Variants in NTRK1 observed in about 807,000 individuals in gnomAD.
The protein encoded by NTRK1 is high affinity nerve growth factor receptor.
A neutral mutation model predicts 86.8 loss-of-function variants in NTRK1; 62 were observed. That is an observed-to-expected ratio of 0.71 (90% CI 0.58 to 0.88). The LOEUF (loss-of-function observed/expected upper bound fraction) is 0.88. Among genes scored for constraint, NTRK1 ranks in the 40% least tolerant of loss-of-function variants. NTRK1 has a pLI of 0.00. For missense variants in NTRK1, 967 were observed against 1,078.4 expected (o/e 0.90, Z 1.45); for synonymous variants, 469 against 456.6 (o/e 1.03, Z -0.35).
intron 9 of NTRK1, 68 bp downstream of exon 9, chr1:156,874,468 A>T (rs368591258): frequency 2.7e-5 from 43 of 1,613,284 alleles, no homozygotes; most frequent in Non-Finnish European, 3.6e-5. Flanking sequence ...CAGAGGGTAC[A>T]GCTGAACTGA....
intron 2 of NTRK1, chr1:156,848,772 C>T (rs1655095882): frequency 1.1e-6 from 1 of 895,588 alleles, no homozygotes; most frequent in African/African-American, 1.7e-5. Flanking sequence ...GAGAGCCAGA[C>T]CTGGGCCCTA....
chr1:156,833,604 A>G (rs1250139009), intron 1 of NTRK1, among the ~76,000 whole-genome samples: 1 of 152,064 alleles, frequency 6.6e-6, no homozygotes, highest in Non-Finnish European at 1.5e-5. Context: ...GACATGTGGT[A>G]GGTGCTCAAT....
upstream of NTRK1, chr1:156,860,846 G>A (rs921397511): frequency 2.9e-6 from 4 of 1,371,066 alleles, no homozygotes; most frequent in Non-Finnish European, 9.3e-7. Flanking sequence ...CTTTAACACC[G>A]CCCAGCGCAC....
At chr1:156,867,958 C>T (rs1052952307) in intron 4 of NTRK1, 146 bp from the exon 5 acceptor site, 47 of 890,442 alleles carry the variant, frequency 5.3e-5, no homozygotes, top group Admixed American at 7.7e-5. Context: ...TGAATAACAT[C>T]CTGTTACTGG....
rs1402027172 is a variant in NTRK1 at position 156,860,995 on chromosome 1, A to T, written c.61A>T (p.Ser21Cys). ...GCACAGCTGGGCTGCGGGGCCGGGC[A>T]GCCTGCTGGCTTGGCTGATACTGGC... ...GWHSWAAGPG[S>C]LLAWLILASA... The change falls in exon 1 of 17, where the codon AGC (serine) becomes TGC (cysteine). Residue 21 changes from serine to cysteine, a missense_variant. By Grantham distance (112) the Ser-to-Cys change is moderately radical. This residue lies in a region of NTRK1 where 330 missense variants were observed against 302.0 expected (regional missense o/e 1.09). Transcript: ENST00000524377. The T allele has an allele frequency of 2.0e-6, 3 of 1,530,184 alleles. No individual in the cohort carries two copies. In the South Asian group the frequency reaches 3.6e-5, roughly 18 times the overall value. 94.8% of individuals were successfully genotyped at this position (1,530,184 alleles called of 1,614,324 possible).
chr1:156,874,448 G>A (rs1558104727), intron 9 of NTRK1, 48 bp downstream of exon 9: 1 of 1,613,978 alleles, frequency 6.2e-7, no homozygotes, highest in Non-Finnish European at 8.5e-7. Flanking sequence ...CTCTGGAGCT[G>A]AGGCTGGGGC....
chr1:156,822,404 A>G (rs1219273491), intron 1 of NTRK1, among the ~76,000 whole-genome samples: 2 of 152,058 alleles, frequency 1.3e-5, no homozygotes, highest in Non-Finnish European at 2.9e-5. Flanking sequence ...CAAAAAATAA[A>G]GAAAAAAAGA....
chr1:156,871,264 C>T (rs541552283), intron 6 of NTRK1, among the ~76,000 whole-genome samples: 1 of 152,230 alleles, frequency 6.6e-6, no homozygotes, highest in Admixed American at 6.5e-5. Context: ...TAATTAAATA[C>T]GTGATCCAGG....
At chr1:156,849,324 G>A in intron 2 of NTRK1, 1 of 1,613,960 alleles carries the variant, frequency 6.2e-7, no homozygotes, top group Non-Finnish European at 8.5e-7. Flanking sequence ...ACCTCCTCCA[G>A]TCGGTAGATG....
At chr1:156,879,056 C>T (rs757703065) in intron 14 of NTRK1, 66 bp from the exon 15 acceptor site, 6 of 1,590,394 alleles carry the variant, frequency 3.8e-6, no homozygotes, top group African/African-American at 1.3e-5. Context: ...TGCTGGGGAT[C>T]GCCTTCCTCA....
intron 11 of NTRK1, among the ~76,000 whole-genome samples, 178 bp downstream of exon 11, chr1:156,875,186 G>A (rs1351529311): frequency 2.0e-5 from 3 of 152,034 alleles, no homozygotes; most frequent in Non-Finnish European, 2.9e-5. Context: ...GTGTGTGTGG[G>A]AGCGTGTGTC....
At chr1:156,868,713 A>C in intron 6 of NTRK1, 66 bp downstream of exon 6, 1 of 1,536,148 alleles carries the variant, frequency 6.5e-7, no homozygotes, top group Non-Finnish European at 8.8e-7. Flanking sequence ...AAGATGGGGA[A>C]AGAGAGACAC....
chr1:156,842,084 G>T, exon 2 of NTRK1: 1 of 1,613,252 alleles, frequency 6.2e-7, no homozygotes, highest in Non-Finnish European at 8.5e-7. Context: ...TTTTCAGGCC[G>T]CCCTCATCTG....
chr1:156,830,953 G>C (rs537452029), intron 1 of NTRK1, among the ~76,000 whole-genome samples: 43 of 152,340 alleles, frequency 2.8e-4, no homozygotes, highest in African/African-American at 9.6e-4. Context: ...CCTGAAGGGA[G>C]CATTTAGCAA....
At chr1:156,844,756 G>C in intron 2 of NTRK1, 1 of 1,614,174 alleles carries the variant, frequency 6.2e-7, no homozygotes, top group South Asian at 1.1e-5. Flanking sequence ...GAGTCCGTTG[G>C]GGTCTGGTGG....
upstream of NTRK1, chr1:156,858,681 G>C: frequency 1.4e-6 from 2 of 1,424,066 alleles, no homozygotes; most frequent in East Asian, 2.3e-5. Context: ...TGGGGAGAAC[G>C]GTGTGATAAG....
intron 1 of NTRK1, chr1:156,841,642 C>T: frequency 6.2e-7 from 1 of 1,612,450 alleles, no homozygotes; most frequent in Non-Finnish European, 8.5e-7. Flanking sequence ...TCCCTGGAGC[C>T]CTGTGCTCCA....
At chr1:156,875,974 C>A in intron 12 of NTRK1, 106 bp from the exon 13 acceptor site, 1 of 1,557,812 alleles carries the variant, frequency 6.4e-7, no homozygotes, top group Non-Finnish European at 8.8e-7. Flanking sequence ...TGCAGTCCCT[C>A]GTCTGGGCAG....
chr1:156,835,309 T>A (rs1374381665), intron 1 of NTRK1, among the ~76,000 whole-genome samples: 2 of 151,986 alleles, frequency 1.3e-5, no homozygotes, highest in Non-Finnish European at 2.9e-5. Flanking sequence ...AGGAAAAAAA[T>A]GTCCTTGGAG....
Sources: allele counts gnomAD v4.1 joint callset (sites outside exome capture counted in the v4.1 genomes callset), GRCh38; gene constraint gnomAD v4.1.1; regional missense constraint gnomAD v4.1.1; transcripts MANE v1.5; gene names NCBI Gene and HGNC (gene_info 2026-07-23, HGNC 2026-07-21).